Variants in ABCA13 observed in about 807,000 individuals in gnomAD.
The protein encoded by ABCA13 is ATP-binding cassette sub-family A member 13.
ABCA13 carries 476 observed loss-of-function variants against 478.7 expected under a neutral mutation model. The observed-to-expected ratio is 0.99, with a 90% confidence interval of 0.92 to 1.07. The LOEUF (loss-of-function observed/expected upper bound fraction) is 1.07, where lower values mean the gene tolerates loss of function less well. Ranked by LOEUF, ABCA13 falls within the 50% of genes least tolerant of loss-of-function variation. The pLI is 0.00. For synonymous variants in ABCA13, 2,252 were observed against 2,158.9 expected (o/e 1.04, Z -1.20); for missense variants, 6,060 against 5,910.6 (o/e 1.03, Z -0.83).
chr7:48,554,822 T>TTTATTATTA (rs58085063), intron 55 of ABCA13, among the ~76,000 whole-genome samples: 18 of 147,368 alleles, frequency 1.2e-4, no homozygotes, highest in African/African-American at 3.7e-4. Flanking sequence ...ATTATTATTA[T>TTTATTATTA]TTATTATTAT....
intron 8 of ABCA13, 149 bp from the exon 9 acceptor site, chr7:48,239,092 A>G: frequency 1.3e-6 from 1 of 768,148 alleles, no homozygotes; most frequent in Non-Finnish European, 2.0e-6. Flanking sequence ...GTCTTCCCTC[A>G]AGGTAAATCA....
intron 41 of ABCA13, among the ~76,000 whole-genome samples, chr7:48,425,719 CTATAA>C (rs59328182): frequency 0.27 from 41,627 of 151,376 alleles, 5,846 homozygotes; most frequent in East Asian, 0.37. Flanking sequence ...TGCAACAATC[CTATAA>C]TATGTCTTAT....
rs1274047589 is a variant in ABCA13 at position 48,274,005 on chromosome 7, C to T, written c.4339C>T (p.Pro1447Ser). The change falls in exon 17 of 62, where the codon CCT becomes TCT. Residue 1447 changes from proline to serine, a missense_variant. By Grantham distance (74) the Pro-to-Ser change is moderately conservative (BLOSUM62 -1). Coordinates refer to ENST00000435803, the MANE Select transcript of ABCA13 (RefSeq NM_152701.5). ...IVTWVLNIKK[P>S]LCSSNGSHIN... The stretch of plus-strand genomic sequence containing the variant: ...AACTTGGGTGTTAAATATAAAAAAA[C>T]CTCTTTGTTCATCAAATGGCTCACA... 2.5e-6 allele frequency: 4 copies of T among 1,606,952 alleles called. No homozygotes were observed. The highest frequency in any genetic ancestry group is 1.3e-5 in the African/African-American group (1 of 74,652).
At chr7:48,430,464 A>T (rs1186462783) in intron 42 of ABCA13, among the ~76,000 whole-genome samples, 2 of 152,126 alleles carry the variant, frequency 1.3e-5, no homozygotes, top group East Asian at 3.9e-4. Flanking sequence ...TCATGAGGTC[A>T]GGAGATCAAG....
chr7:48,579,186 A>G (rs1439588009), intron 55 of ABCA13, among the ~76,000 whole-genome samples: 1 of 152,086 alleles, frequency 6.6e-6, no homozygotes, highest in Non-Finnish European at 1.5e-5. Flanking sequence ...CTGTTAAGAC[A>G]TTAAAAAGTC....
chr7:48,527,229 T>G (rs943962996), intron 54 of ABCA13, among the ~76,000 whole-genome samples: 3 of 152,082 alleles, frequency 2.0e-5, no homozygotes, highest in Non-Finnish European at 4.4e-5. Context: ...GACGGACTCA[T>G]ATTGCAAATG....
At chr7:48,615,216 T>A in intron 58 of ABCA13, 69 bp from the exon 59 acceptor site, 1 of 1,077,070 alleles carries the variant, frequency 9.3e-7, no homozygotes, top group South Asian at 3.0e-5. Context: ...CTTTTTGTTT[T>A]GAAAAGTTTG....
chr7:48,331,592 G>A (rs1352179188), intron 27 of ABCA13, among the ~76,000 whole-genome samples: 2 of 152,138 alleles, frequency 1.3e-5, no homozygotes, highest in African/African-American at 4.8e-5. Flanking sequence ...GGCAGTTGTA[G>A]ATTTACATGC....
intron 22 of ABCA13, 125 bp downstream of exon 22, chr7:48,297,436 A>T (rs1250922054): frequency 1.0e-6 from 1 of 959,850 alleles, no homozygotes; most frequent in East Asian, 2.7e-5. Flanking sequence ...ATCATTTACA[A>T]CTTGGCTGGT....
intron 8 of ABCA13, among the ~76,000 whole-genome samples, chr7:48,235,138 T>C (rs1789755364): frequency 6.6e-6 from 1 of 152,178 alleles, no homozygotes; most frequent in Non-Finnish European, 1.5e-5. Flanking sequence ...TTCTACCAGG[T>C]AGGTTTAGGC....
Position 48,586,252 on chromosome 7 carries a change from G to A in ABCA13, c.14506-902G>A, listed in dbSNP as rs551750017. Among the ~76,000 whole-genome samples, 4 of 152,248 alleles carry A rather than the reference G, an allele frequency of 2.6e-5. No homozygotes were observed. The East Asian group carries it at 7.7e-4, about 29-fold the overall frequency. On this transcript the variant is annotated intron_variant, in intron 56 of 61. Transcript: ENST00000435803. ...GGTCTTGGCAAAGTGGTTTTCAGCAGTTGCAAATAAGAAATATTTCCCATT... is the reference window on the plus strand; with the variant it reads ...GGTCTTGGCAAAGTGGTTTTCAGCAATTGCAAATAAGAAATATTTCCCATT...
rs563360530 is a variant in ABCA13 at position 48,234,352 on chromosome 7, A to G, written c.897+201A>G. ...AAGTGTCTCTTTCTTCTTACCATGT[A>G]GTTTTATCCCAGAATGGAAAGGCAG... On this transcript the variant is annotated intron_variant, in intron 8 of 61. Coordinates refer to ENST00000435803, the MANE Select transcript of ABCA13 (RefSeq NM_152701.5). 1.6e-4 allele frequency: 103 copies of G among 652,302 alleles called. No individual in the cohort carries two copies. In the African/African-American group the frequency reaches 1.6e-3, roughly 10 times the overall value. The allele number at this position is 652,302 out of a possible 1,614,324, so 40.4% of individuals were successfully genotyped here. A position where few individuals can be genotyped will look rare whatever the true frequency, so the allele number is the denominator to read the frequency against.
At chr7:48,344,062 G>A (rs533656037) in intron 29 of ABCA13, among the ~76,000 whole-genome samples, 169 of 152,284 alleles carry the variant, frequency 1.1e-3, no homozygotes, top group African/African-American at 3.8e-3. Context: ...GATATTATGT[G>A]TGAAGCATTA....
rs901257564 is a variant in ABCA13, at chr7:48,271,774, A to G, written c.2121-13A>G. 3.0e-6 allele frequency: 4 copies of G among 1,328,192 alleles called. 1 individual carries two copies. In the South Asian group the frequency reaches 9.1e-5, roughly 30 times the overall value. 82.3% of individuals were successfully genotyped at this position (1,328,192 alleles called of 1,614,324 possible). On this transcript the variant is annotated splice_polypyrimidine_tract_variant and intron_variant, in intron 16 of 61. Transcript: ENST00000435803. ...TTTTATTTTATACTAAAATAATTCT[A>G]TTAATATTACAGGGCTTTAAATTTC... is the stretch of plus-strand genomic sequence containing the variant.
chr7:48,502,113 A>G (rs564078884), intron 48 of ABCA13, among the ~76,000 whole-genome samples: 1 of 152,284 alleles, frequency 6.6e-6, no homozygotes, highest in South Asian at 2.1e-4. Flanking sequence ...CCTTAACACA[A>G]TTTCACCATC....
chr7:48,279,809 A>G lies in ABCA13; in HGVS notation c.8615A>G (p.Glu2872Gly), dbSNP rs777030064. Residue 2872 changes from glutamate (E) to glycine (G), a missense_variant, in exon 18 of 62, where the codon GAG becomes GGG. Physicochemically the swap from Glu to Gly is moderately conservative, Grantham distance 98. Around this residue, in one of 3 missense-constraint regions of ABCA13, gnomAD observed 4,423 missense variants for 4,309.1 expected, o/e 1.03. Coordinates refer to ENST00000435803, the MANE Select transcript of ABCA13 (RefSeq NM_152701.5). ...GAAAAAGAAGAGAGAACCAAGAAAG[A>G]GATGATTGACTTTCCTTATAGTTTC... ...TSEKEERTKK[E>G]MIDFPYSFKP... 4 of 1,599,776 alleles carry G rather than the reference A, an allele frequency of 2.5e-6. No homozygotes were observed. In the South Asian group the frequency reaches 3.4e-5, roughly 14 times the overall value.
At position 48,278,809 on chromosome 7, in the gene ABCA13, G is replaced by GT. The variant is rs1178003467; in HGVS notation, c.7620dup (p.Lys2541Ter). 6.2e-7 allele frequency: 1 copy of GT among 1,613,844 alleles called. No individual in the cohort carries two copies. The highest frequency in any genetic ancestry group is 1.7e-5 in the Admixed American group (1 of 60,008). On this transcript the variant is annotated frameshift_variant, in exon 18 of 62. Coordinates refer to ENST00000435803, the MANE Select transcript of ABCA13 (RefSeq NM_152701.5). LOFTEE classifies it high-confidence loss of function. ...GAAAGTTTCGGGGAAGATGTCCACA[G>GT]TTTTTAAAACTCATTTTATCTCCAA...
intron 24 of ABCA13, among the ~76,000 whole-genome samples, chr7:48,310,406 G>A (rs1402762975): frequency 1.3e-5 from 2 of 152,156 alleles, no homozygotes; most frequent in Admixed American, 1.3e-4. Context: ...AGTTGGTGGT[G>A]ATCTCCATGC....
At chr7:48,483,853 A>G (rs564669335) in intron 47 of ABCA13, among the ~76,000 whole-genome samples, 45 of 152,334 alleles carry the variant, frequency 3.0e-4, no homozygotes, top group African/African-American at 1.1e-3. Context: ...GAGAAATAGT[A>G]TTGTGTTTGA....
Sources: allele counts gnomAD v4.1 joint callset (sites outside exome capture counted in the v4.1 genomes callset), GRCh38; gene constraint gnomAD v4.1.1; regional missense constraint gnomAD v4.1.1; transcripts MANE v1.5; gene names NCBI Gene and HGNC (gene_info 2026-07-23, HGNC 2026-07-21).